Variants in MCPH1 observed in about 807,000 individuals in gnomAD.
MCPH1 encodes microcephalin 1, also known as microcephalin.
Under a neutral mutation model 84.5 loss-of-function variants are expected in MCPH1, and 104 were observed. The ratio of observed to expected loss-of-function variants is 1.23; its 90% confidence interval spans 1.05 to 1.45. MCPH1 has a LOEUF of 1.45. Among genes scored for constraint, MCPH1 ranks in the 40% most tolerant of loss-of-function variants. The pLI is 0.00. For synonymous variants in MCPH1, 514 were observed against 366.8 expected (o/e 1.40, Z -4.58); for missense variants, 1,498 against 1,005.7 (o/e 1.49, Z -6.62).
intron 9 of MCPH1, among the ~76,000 whole-genome samples, chr8:6,476,651 C>A (rs879697966): frequency 3.3e-5 from 5 of 152,124 alleles, no homozygotes; most frequent in Admixed American, 6.5e-5. Flanking sequence ...AGTCCTTCCC[C>A]AAATACGTAG....
rs185974801 is a variant in MCPH1 at position 6,418,213 on chromosome 8, C to G, written c.233+3330C>G. On this transcript the variant is annotated intron_variant, in intron 3 of 13. Coordinates refer to ENST00000344683, the MANE Select transcript of MCPH1 (RefSeq NM_024596.5). ...TGGTCTCTTCAGCGAGAAAGGAGGC[C>G]GGAGCTTCTGCTTGAGTGCTTGCTG... 3.3e-5 allele frequency among the ~76,000 whole-genome samples: 5 copies of G among 152,016 alleles called. No homozygotes were observed. In the East Asian group the frequency reaches 9.7e-4, roughly 29 times the overall value.
At chr8:6,460,752 G>A (rs1008369148) in intron 9 of MCPH1, among the ~76,000 whole-genome samples, 1 of 152,040 alleles carries the variant, frequency 6.6e-6, no homozygotes, top group Non-Finnish European at 1.5e-5. Context: ...TTCTGTCTCT[G>A]TGAGGCTAGC....
intron 12 of MCPH1, among the ~76,000 whole-genome samples, chr8:6,537,813 T>C (rs1820778814): frequency 6.6e-6 from 1 of 152,142 alleles, no homozygotes; most frequent in African/African-American, 2.4e-5. Flanking sequence ...AGATAATATA[T>C]GAAAACTATC....
chr8:6,433,650 A>C (rs978371917), intron 4 of MCPH1, among the ~76,000 whole-genome samples: 2 of 151,512 alleles, frequency 1.3e-5, no homozygotes, highest in African/African-American at 4.9e-5. Flanking sequence ...AAAAAAAAAA[A>C]AAAAACCTAT....
intron 12 of MCPH1, chr8:6,527,584 A>C: frequency 6.2e-7 from 1 of 1,613,898 alleles, no homozygotes; most frequent in Non-Finnish European, 8.5e-7. Context: ...TGTTTATTTC[A>C]CTGGTCTGGT....
In MCPH1 at chr8:6,644,772, T is replaced by A. The variant is rs1033766086; in HGVS notation, c.*1723T>A. On this transcript the variant is annotated 3_prime_UTR_variant, in exon 14 of 14. Coordinates refer to ENST00000344683, the MANE Select transcript of MCPH1 (RefSeq NM_024596.5). ...GCTCATCTCAGCTGTTGTTCCTACC[T>A]CAAATTTCAAGTCCCTCAACAAATA... 3.9e-4 allele frequency: 59 copies of A among 152,246 alleles called. 1 individual carries two copies. Among genetic ancestry groups the A allele is most frequent in the African/African-American group, 1.4e-3 (58 of 41,552 alleles). 9.4% of individuals were successfully genotyped at this position (152,246 alleles called of 1,614,324 possible). A position where few individuals can be genotyped will look rare whatever the true frequency, so the allele number is the denominator to read the frequency against.
At chr8:6,447,879 C>A (rs1280077331) in intron 8 of MCPH1, among the ~76,000 whole-genome samples, 1 of 152,138 alleles carries the variant, frequency 6.6e-6, no homozygotes, top group South Asian at 2.1e-4. Flanking sequence ...TCTTTAAAAT[C>A]ATTAATTTTT....
intron 12 of MCPH1, among the ~76,000 whole-genome samples, chr8:6,532,827 G>C (rs1480805974): frequency 1.3e-5 from 2 of 152,154 alleles, no homozygotes; most frequent in African/African-American, 4.8e-5. Flanking sequence ...GCCACTGTGG[G>C]GTTGTGTCTG....
At chr8:6,450,513 T>A (rs1804972272) in intron 8 of MCPH1, among the ~76,000 whole-genome samples, 1 of 149,200 alleles carries the variant, frequency 6.7e-6, no homozygotes, top group Non-Finnish European at 1.5e-5. Flanking sequence ...CCACAACTCA[T>A]ACTAGATGGT....
chr8:6,478,556 T>G (rs1428216822), intron 10 of MCPH1, among the ~76,000 whole-genome samples: 1 of 152,172 alleles, frequency 6.6e-6, no homozygotes, highest in Non-Finnish European at 1.5e-5. Context: ...TCTTACTCTT[T>G]TTTTCTCCAC....
At chr8:6,532,423 T>C in intron 12 of MCPH1, 6 of 1,614,176 alleles carry the variant, frequency 3.7e-6, no homozygotes, top group Non-Finnish European at 5.1e-6. Context: ...CGTCTGGTTC[T>C]GTACTGCATT....
At chr8:6,500,109 G>A (rs529740326) in intron 12 of MCPH1, 180 bp downstream of exon 12, 25 of 622,720 alleles carry the variant, frequency 4.0e-5, no homozygotes, top group Middle Eastern at 8.8e-4. Flanking sequence ...ATGTGAGAAC[G>A]TGAGACCATT....
At chr8:6,610,462 G>T (rs2129579219) in intron 12 of MCPH1, among the ~76,000 whole-genome samples, 1 of 152,262 alleles carries the variant, frequency 6.6e-6, no homozygotes, top group South Asian at 2.1e-4. Context: ...AACTGTCATT[G>T]CATGCTGCTC....
intron 8 of MCPH1, among the ~76,000 whole-genome samples, chr8:6,447,644 G>A (rs1270579246): frequency 1.3e-5 from 2 of 152,028 alleles, no homozygotes; most frequent in South Asian, 4.2e-4. Context: ...TCCGCCTCCC[G>A]AGTTCAAGCA....
At chr8:6,485,674 T>A (rs1809800912) in intron 11 of MCPH1, among the ~76,000 whole-genome samples, 1 of 152,208 alleles carries the variant, frequency 6.6e-6, no homozygotes, top group African/African-American at 2.4e-5. Context: ...TGTCGCTATT[T>A]GTTAATAGTA....
At chr8:6,594,951 A>C (rs981114785) in intron 12 of MCPH1, among the ~76,000 whole-genome samples, 3 of 152,176 alleles carry the variant, frequency 2.0e-5, no homozygotes, top group African/African-American at 7.2e-5. Flanking sequence ...TGTTCTTTAA[A>C]ATCGAAGTTT....
At chr8:6,520,738 A>C (rs150527758) in intron 12 of MCPH1, among the ~76,000 whole-genome samples, 294 of 152,340 alleles carry the variant, frequency 1.9e-3, no homozygotes, top group African/African-American at 7.0e-3. Context: ...TGAAACAATA[A>C]TAAGGAAGGC....
At chr8:6,409,209 G>C (rs1798191465) in intron 1 of MCPH1, 70 bp from the exon 2 acceptor site, 2 of 1,319,470 alleles carry the variant, frequency 1.5e-6, no homozygotes, top group African/African-American at 1.5e-5. Context: ...AATGTAAATA[G>C]AACAAAATCT....
At chr8:6,616,595 C>T (rs1173675304) in intron 12 of MCPH1, 1 of 152,270 alleles carries the variant, frequency 6.6e-6, no homozygotes, top group African/African-American at 2.4e-5. Context: ...AGTCCTCACC[C>T]TCTGCAACCC....
Sources: allele counts gnomAD v4.1 joint callset (sites outside exome capture counted in the v4.1 genomes callset), GRCh38; gene constraint gnomAD v4.1.1; transcripts MANE v1.5; gene names NCBI Gene and HGNC (gene_info 2026-07-23, HGNC 2026-07-21).